Variants in ZNF83 observed in about 807,000 individuals in gnomAD.
The protein encoded by ZNF83 is zinc finger protein 83, also known as zinc finger protein 816B.
For synonymous variants in ZNF83, 209 were observed against 213.0 expected (o/e 0.98, Z 0.17); for missense variants, 552 against 629.9 (o/e 0.88, Z 1.32).
At chr19:52,663,863 T>C (rs1210804340) in intron 1 of ZNF83, among the ~76,000 whole-genome samples, 3 of 152,232 alleles carry the variant, frequency 2.0e-5, no homozygotes, top group Non-Finnish European at 4.4e-5. Context: ...TACCAAAGCT[T>C]ATTTGAGAAG....
At chr19:52,653,280 T>C in intron 3 of ZNF83, 5 of 1,451,932 alleles carry the variant, frequency 3.4e-6, no homozygotes, top group Non-Finnish European at 4.8e-6. Flanking sequence ...GGTGTGCTTT[T>C]TGATTAAAAA....
chr19:52,650,009 G>A (rs753353930), intron 3 of ZNF83, among the ~76,000 whole-genome samples: 6 of 151,976 alleles, frequency 3.9e-5, no homozygotes, highest in Non-Finnish European at 7.4e-5. Context: ...AGGTAAAAAG[G>A]GAAAGCAAAC....
chr19:52,658,033 G>A (rs937248779), intron 2 of ZNF83, among the ~76,000 whole-genome samples: 3 of 151,658 alleles, frequency 2.0e-5, no homozygotes, highest in African/African-American at 7.3e-5. Flanking sequence ...CTATTCAAAA[G>A]GCTAAGGCAG....
rs1295232515 is a variant in ZNF83 at position 52,647,655 on chromosome 19, CTT to C, written c.-74+7904_-74+7905del. Among the ~76,000 whole-genome samples the C allele has an allele frequency of 9.2e-5, 14 of 151,668 alleles. No homozygotes were observed. The South Asian group carries it at 2.9e-3, about 32-fold the overall frequency. On this transcript the variant is annotated intron_variant, in intron 3 of 5. Transcript: ENST00000594682. ...TCATTCTCCCCTTCTCTCTCTAGCT[CTT>C]TTTTTTCTATTTCCCTGGGATTCTG...
intron 3 of ZNF83, among the ~76,000 whole-genome samples, chr19:52,648,032 C>T (rs2061395944): frequency 6.6e-6 from 1 of 151,944 alleles, no homozygotes; most frequent in Non-Finnish European, 1.5e-5. Context: ...TCCTCCTCTC[C>T]CTCACTCTGA....
At chr19:52,621,958 C>T (rs909625898) in intron 2 of ZNF83, among the ~76,000 whole-genome samples, 7 of 150,140 alleles carry the variant, frequency 4.7e-5, no homozygotes, top group South Asian at 2.1e-4. Context: ...ATGCTTCTTT[C>T]CCTCCTGCCT....
rs538979245 is a variant in ZNF83, at chr19:52,622,976, G to T, written c.-233-8179C>A. Among the ~76,000 whole-genome samples the T allele has an allele frequency of 2.5e-4, 38 of 152,280 alleles. No individual in the cohort carries two copies. The South Asian group carries it at 7.9e-3, about 32-fold the overall frequency. ...ACAAGAACTTCAAAACGCCTAAGCTGCAGTGGTCAGGCATTCCTACAGGAC... is the reference window on the plus strand; with the variant it reads ...ACAAGAACTTCAAAACGCCTAAGCTTCAGTGGTCAGGCATTCCTACAGGAC... On this transcript the variant is annotated intron_variant, in intron 2 of 2. Transcript: ENST00000301096.
intron 2 of ZNF83, among the ~76,000 whole-genome samples, chr19:52,630,071 G>T (rs1354062799): frequency 6.6e-6 from 1 of 152,178 alleles, no homozygotes; most frequent in African/African-American, 2.4e-5. Flanking sequence ...CTGGCCACTG[G>T]GCCAAGGAAT....
chr19:52,620,757 G>A (rs1018976422), intron 2 of ZNF83, among the ~76,000 whole-genome samples: 11 of 152,186 alleles, frequency 7.2e-5, no homozygotes, highest in African/African-American at 2.2e-4. Flanking sequence ...CAAAAGAAGT[G>A]AAACAGCCAG....
At chr19:52,614,247 T>G (rs778584351) in exon 3 of ZNF83, 2 of 1,614,180 alleles carry the variant, frequency 1.2e-6, no homozygotes, top group Non-Finnish European at 1.7e-6. Context: ...TAGTAAAATG[T>G]AAGCCTTGAT....
Position 52,670,669 on chromosome 19 carries a change from G to A in ZNF83, c.-282-9826C>T, listed in dbSNP as rs543985772. ...ATGGCCCATGACACAACTCTCAGGAGGTCCTGAGAACATATGTCCAAGGTG... is the reference window on the plus strand; with the variant it reads ...ATGGCCCATGACACAACTCTCAGGAAGTCCTGAGAACATATGTCCAAGGTG... On this transcript the variant is annotated intron_variant, in intron 1 of 5. Transcript: ENST00000594682. Among the ~76,000 whole-genome samples the A allele has an allele frequency of 8.3e-4, 127 of 152,120 alleles. 1 individual carries two copies. The highest frequency in any genetic ancestry group is 2.9e-3 in the African/African-American group (122 of 41,506).
chr19:52,617,755 A>G (rs2060370452), intron 2 of ZNF83: 1 of 133,820 alleles, frequency 7.5e-6, no homozygotes, highest in Admixed American at 7.8e-5. Flanking sequence ...AAAAAAAAAA[A>G]ATTCCCACCC....
chr19:52,655,345 A>T, intron 3 of ZNF83: 1 of 452,740 alleles, frequency 2.2e-6, no homozygotes, highest in Non-Finnish European at 3.9e-6. Flanking sequence ...CTATTAGTCA[A>T]AGTGTTCATG....
At position 52,614,711 on chromosome 19, in the gene ZNF83, T is replaced by G. The variant is rs1028165426; in HGVS notation, c.-147A>C. 6.7e-6 allele frequency: 9 copies of G among 1,340,424 alleles called. No homozygotes were observed. In the African/African-American group the frequency reaches 1.3e-4, roughly 20 times the overall value. The allele number at this position is 1,340,424 out of a possible 1,614,324, so 83.0% of individuals were successfully genotyped here. A position where few individuals can be genotyped will look rare whatever the true frequency, so the allele number is the denominator to read the frequency against. ...TCTTGTATGTCGTGGCTTTCATGTC[T>G]TTCCAACATTACTGTCTGGAATATT... On this transcript the variant is annotated 5_prime_UTR_variant, in exon 3 of 3. Coordinates refer to ENST00000301096, the Ensembl canonical transcript of ZNF83.
rs1050291538 is a variant in ZNF83, at chr19:52,630,450, T to C, written c.-234+4616A>G. ...GCCAGGCTTCTAAGCCTCTTAAAAC[T>C]CCCCCACTCTGGTGCCAACTTGGAC... On this transcript the variant is annotated intron_variant, in intron 2 of 2. Coordinates refer to ENST00000301096, the Ensembl canonical transcript of ZNF83. Among the ~76,000 whole-genome samples the C allele has an allele frequency of 9.2e-5, 14 of 152,174 alleles. No homozygotes were observed. In the East Asian group the frequency reaches 2.5e-3, roughly 27 times the overall value.
At chr19:52,612,841 C>A (rs1218597037) in exon 3 of ZNF83, 2 of 553,746 alleles carry the variant, frequency 3.6e-6, no homozygotes, top group Non-Finnish European at 6.1e-6. Flanking sequence ...TAAGACCTTG[C>A]CACATTCAGT....
intron 1 of ZNF83, among the ~76,000 whole-genome samples, chr19:52,676,997 C>G (rs975511819): frequency 2.1e-5 from 3 of 145,562 alleles, no homozygotes; most frequent in African/African-American, 5.2e-5. Context: ...TGCGGAAGGC[C>G]GCAGGGTCCT....
intron 1 of ZNF83, among the ~76,000 whole-genome samples, chr19:52,662,148 T>C (rs532522592): frequency 6.6e-6 from 1 of 152,374 alleles, no homozygotes; most frequent in Admixed American, 6.5e-5. Context: ...ACGCCTTTCA[T>C]GTATACACAC....
chr19:52,637,455 T>C (rs1344547014), intron 1 of ZNF83, among the ~76,000 whole-genome samples: 1 of 152,198 alleles, frequency 6.6e-6, no homozygotes, highest in African/African-American at 2.4e-5. Context: ...TCTCCCTACC[T>C]TGCTGTCCTT....
Sources: gnomAD v4.1 joint callset for allele counts (sites outside exome capture counted in the v4.1 genomes callset) on GRCh38, gnomAD v4.1.1 for gene constraint, MANE v1.5 for transcripts, NCBI Gene and HGNC (gene_info 2026-07-23, HGNC 2026-07-21) for gene names.